GRIK3: variants seen among roughly 807,000 people sequenced by gnomAD.
GRIK3 encodes the protein glutamate receptor ionotropic, kainate 3.
In GRIK3, 29 loss-of-function variants were observed where a neutral mutation model predicts 102.5. That is an observed-to-expected ratio of 0.28 (90% CI 0.21 to 0.39). The LOEUF (loss-of-function observed/expected upper bound fraction) is 0.39. Ranked by LOEUF, GRIK3 falls within the 10% of genes least tolerant of loss-of-function variation. The pLI is 1.00. For synonymous variants in GRIK3, 511 were observed against 504.9 expected (o/e 1.01, Z -0.16); for missense variants, 908 against 1,252.4 (o/e 0.73, Z 4.15).
chr1:36,955,376 A>G lies in GRIK3; in HGVS notation c.116-64280T>C, dbSNP rs983250354. 3.9e-5 allele frequency among the ~76,000 whole-genome samples: 6 copies of G among 152,228 alleles called. No homozygotes were observed. The South Asian group carries it at 1.2e-3, about 32-fold the overall frequency. ...CACACACCGAGCAGCGCACACGTGC[A>G]CACAAACACGTGGATGGATACACAG... On this transcript the variant is annotated intron_variant, in intron 1 of 15. Coordinates refer to ENST00000373091, the MANE Select transcript of GRIK3 (RefSeq NM_000831.4).
chr1:36,890,292 A>C (rs1034980418), intron 2 of GRIK3, among the ~76,000 whole-genome samples: 1 of 152,010 alleles, frequency 6.6e-6, no homozygotes. Context: ...GTGAAACCCT[A>C]TCTCTACTAA....
intron 1 of GRIK3, among the ~76,000 whole-genome samples, chr1:36,900,876 C>T (rs1641226519): frequency 6.6e-6 from 1 of 152,014 alleles, no homozygotes; most frequent in Non-Finnish European, 1.5e-5. Flanking sequence ...GGGGACATCT[C>T]TACAGATCTC....
rs769451337 is a variant in GRIK3, at chr1:36,872,212, A to G, written c.708T>C (p.Thr236=). Residue 236 remains threonine, a synonymous_variant, in exon 4 of 16, where the codon ACT becomes ACC. Coordinates refer to ENST00000373091, the MANE Select transcript of GRIK3 (RefSeq NM_000831.4). The surrounding 1 kb of genome is among the most constrained non-coding windows in gnomAD (Gnocchi z 5.9). ...CCTGCTTGAGGATCTGGGCCGCCAT[A>G]GTGTGGCTGCAGTCGAAGATAATGC... ...EFRIIFDCSH[T]MAAQILKQAM... The G allele has an allele frequency of 1.1e-5, 18 of 1,606,356 alleles. No homozygotes were observed. In the Admixed American group the frequency reaches 2.7e-4, roughly 24 times the overall value.
At chr1:36,910,338 G>A (rs541264381) in intron 1 of GRIK3, among the ~76,000 whole-genome samples, 40 of 152,376 alleles carry the variant, frequency 2.6e-4, no homozygotes, top group African/African-American at 9.1e-4. Context: ...TAATTGAGAC[G>A]TGGATCAGCG....
intron 1 of GRIK3, among the ~76,000 whole-genome samples, chr1:36,992,672 TG>T (rs1453826162): frequency 1.3e-5 from 2 of 152,152 alleles, no homozygotes; most frequent in Non-Finnish European, 2.9e-5. Context: ...CTAGGCTCAG[TG>T]GAGGGCAGTA....
At chr1:37,025,658 C>T (rs922043529) in intron 1 of GRIK3, among the ~76,000 whole-genome samples, 2 of 152,138 alleles carry the variant, frequency 1.3e-5, no homozygotes, top group East Asian at 3.9e-4. Flanking sequence ...CAGAAGTCTC[C>T]CTCATTCCCA....
intron 1 of GRIK3, among the ~76,000 whole-genome samples, chr1:36,952,820 T>C (rs1641861278): frequency 6.6e-6 from 1 of 152,126 alleles, no homozygotes; most frequent in African/African-American, 2.4e-5. Flanking sequence ...AATTTATACA[T>C]GGTGTTCAGG....
intron 1 of GRIK3, among the ~76,000 whole-genome samples, chr1:37,030,542 AC>A (rs1642814813): frequency 1.9e-5 from 1 of 51,514 alleles, no homozygotes; most frequent in Non-Finnish European, 3.7e-5. Flanking sequence ...CCCACCCCCC[AC>A]CCCCTCCCCC....
intron 1 of GRIK3, among the ~76,000 whole-genome samples, chr1:37,017,950 T>C (rs1412745362): frequency 6.6e-6 from 1 of 152,186 alleles, no homozygotes; most frequent in African/African-American, 2.4e-5. Context: ...CCTCAGGTCA[T>C]GCTGATGCTG....
chr1:36,840,175 G>A (rs1009604734), intron 10 of GRIK3, among the ~76,000 whole-genome samples: 3 of 152,072 alleles, frequency 2.0e-5, no homozygotes, highest in Non-Finnish European at 4.4e-5. Flanking sequence ...TGTAAAATGG[G>A]TGTTAATAAC....
At chr1:36,895,035 G>A (rs574776209) in intron 1 of GRIK3, among the ~76,000 whole-genome samples, 16 of 152,266 alleles carry the variant, frequency 1.1e-4, no homozygotes, top group Non-Finnish European at 2.2e-4. Context: ...CCTTCTACAC[G>A]TGTGTGTTGC....
chr1:36,847,172 G>A (rs509078), intron 9 of GRIK3, among the ~76,000 whole-genome samples: 1 of 152,252 alleles, frequency 6.6e-6, no homozygotes, highest in African/African-American at 2.4e-5. Flanking sequence ...TCTGCTTCAG[G>A]AGCTGAGACC....
At chr1:37,001,854 C>G (rs1642481256) in intron 1 of GRIK3, among the ~76,000 whole-genome samples, 1 of 151,876 alleles carries the variant, frequency 6.6e-6, no homozygotes, top group Non-Finnish European at 1.5e-5. Flanking sequence ...CAAATTACCA[C>G]TGTGGGTGAC....
intron 1 of GRIK3, among the ~76,000 whole-genome samples, chr1:36,909,388 T>G (rs879621515): frequency 4.0e-5 from 6 of 150,660 alleles, no homozygotes; most frequent in Non-Finnish European, 8.8e-5. Flanking sequence ...AACCTCCACC[T>G]CCTGGGTTCA....
intron 1 of GRIK3, among the ~76,000 whole-genome samples, chr1:37,026,576 C>G (rs1019430936): frequency 4.6e-5 from 7 of 152,190 alleles, no homozygotes; most frequent in African/African-American, 1.7e-4. Context: ...TACTTTATCT[C>G]CTTTAATCCT....
In GRIK3 at chr1:36,796,779, C is replaced by T. The variant is rs1405906383; in HGVS notation, c.*5072G>A. 1 of 152,106 alleles carries T rather than the reference C, an allele frequency of 6.6e-6. No homozygotes were observed. Among genetic ancestry groups the T allele is most frequent in the Non-Finnish European group, 1.5e-5 (1 of 68,002 alleles). The allele number at this position is 152,106 out of a possible 1,614,324, so 9.4% of individuals were successfully genotyped here. On this transcript the variant is annotated 3_prime_UTR_variant, in exon 16 of 16. Transcript: ENST00000373091. The stretch of plus-strand genomic sequence containing the variant: ...TTGCTACCTAGAATAGCCCCGCCTT[C>T]TAGGGTATCCTAGATGGAGCCTGAA...
At chr1:36,807,897 G>C (rs1642517947) in intron 13 of GRIK3, among the ~76,000 whole-genome samples, 1 of 152,162 alleles carries the variant, frequency 6.6e-6, no homozygotes. Flanking sequence ...GAAGGGCCCA[G>C]ATGCCTGCAG....
chr1:36,985,130 A>T (rs1206108666), intron 1 of GRIK3, among the ~76,000 whole-genome samples: 1 of 152,114 alleles, frequency 6.6e-6, no homozygotes, highest in Non-Finnish European at 1.5e-5. Flanking sequence ...GTTCTGGGGC[A>T]GGCCAGAGGG....
rs1642416949 is a variant in GRIK3, at chr1:36,799,600, T to A, written c.*2251A>T. 6.6e-6 allele frequency: 1 copy of A among 152,212 alleles called. No homozygotes were observed. The highest frequency in any genetic ancestry group is 2.4e-5 in the African/African-American group (1 of 41,440). The allele number at this position is 152,212 out of a possible 1,614,324, so 9.4% of individuals were successfully genotyped here. On this transcript the variant is annotated 3_prime_UTR_variant, in exon 16 of 16. Coordinates refer to ENST00000373091, the MANE Select transcript of GRIK3 (RefSeq NM_000831.4). ...CTGATCTCCATCCTATGCCATTCAG[T>A]GTACATGTGCACACACACACACCAG... is the stretch of plus-strand genomic sequence containing the variant.
Sources: allele counts gnomAD v4.1 joint callset (sites outside exome capture counted in the v4.1 genomes callset), GRCh38; gene constraint gnomAD v4.1.1; non-coding constraint Gnocchi (gnomAD v3.1); transcripts MANE v1.5; gene names NCBI Gene and HGNC (gene_info 2026-07-23, HGNC 2026-07-21).